Variants in DISC1 observed in about 807,000 individuals in gnomAD.
DISC1 encodes the protein DISC1 scaffold protein.
A neutral mutation model predicts 84.5 loss-of-function variants in DISC1; 57 were observed. The observed-to-expected ratio is 0.67, with a 90% CI of 0.55 to 0.84. The LOEUF (loss-of-function observed/expected upper bound fraction) is 0.84, where lower values mean the gene tolerates loss of function less well. Ranked by LOEUF, DISC1 falls within the 40% of genes least tolerant of loss-of-function variation. DISC1 has a pLI of 0.00. For synonymous variants in DISC1, 411 were observed against 415.2 expected, an observed-to-expected ratio of 0.99 and a Z score of 0.12; for missense variants, 1,000 against 1,057.8, an observed-to-expected ratio of 0.95 and a Z score of 0.76.
In DISC1 at chr1:231,759,876, AG is replaced by A. The variant is rs201713972; in HGVS notation, c.1269-7258del. Among the ~76,000 whole-genome samples, 905 of 152,244 alleles carry A rather than the reference AG, an allele frequency of 5.9e-3. 10 individuals carry two copies. Among genetic ancestry groups the A allele is most frequent in the African/African-American group, 0.021 (869 of 41,546 alleles). On this transcript the variant is annotated intron_variant, in intron 4 of 12. Transcript: ENST00000439617. The stretch of plus-strand genomic sequence containing the variant: ...TCAATAAGAGAAGGGAGAAAGGACA[AG>A]GGGGGAAACTAAGTTGTGAGCCACA...
intron 9 of DISC1, among the ~76,000 whole-genome samples, chr1:231,909,632 C>CT (rs924881312): frequency 1.5e-4 from 23 of 151,948 alleles, no homozygotes; most frequent in Admixed American, 3.3e-4. Context: ...CTAAAATTCT[C>CT]TTTTTTTTGT....
chr1:232,018,222 A>G (rs189072162), intron 11 of DISC1, among the ~76,000 whole-genome samples: 1 of 152,314 alleles, frequency 6.6e-6, no homozygotes, highest in East Asian at 1.9e-4. Context: ...GTTACCAGAT[A>G]CTTTCTCTTA....
intron 9 of DISC1, chr1:231,866,382 A>G: frequency 4.8e-6 from 3 of 621,742 alleles, no homozygotes; most frequent in East Asian, 5.5e-5. Flanking sequence ...TTATCTCTGA[A>G]GTCACTTCAA....
At chr1:232,026,179 C>G (rs1286106234) in intron 11 of DISC1, among the ~76,000 whole-genome samples, 3 of 152,154 alleles carry the variant, frequency 2.0e-5, no homozygotes, top group East Asian at 3.9e-4. Context: ...CGGGACTTGA[C>G]ATACTGGAAG....
intron 10 of DISC1, among the ~76,000 whole-genome samples, chr1:231,977,771 G>A: frequency 6.6e-6 from 1 of 152,198 alleles, no homozygotes; most frequent in East Asian, 1.9e-4. Context: ...AAATATGTCA[G>A]TGCATGCTTC....
At chr1:231,840,039 C>T (rs202091139) in intron 9 of DISC1, among the ~76,000 whole-genome samples, 4 of 152,134 alleles carry the variant, frequency 2.6e-5, no homozygotes, top group Non-Finnish European at 4.4e-5. Flanking sequence ...TATCAAAAGT[C>T]GATGATTAAA....
chr1:231,969,191 T>G (rs1437387560), intron 10 of DISC1, among the ~76,000 whole-genome samples: 1 of 146,860 alleles, frequency 6.8e-6, no homozygotes, highest in East Asian at 2.0e-4. Context: ...CAGCGGTTTT[T>G]TTTTTTTTTT....
intron 11 of DISC1, among the ~76,000 whole-genome samples, chr1:232,022,455 G>GCAC (rs1221462615): frequency 6.6e-6 from 1 of 151,976 alleles, no homozygotes; most frequent in Non-Finnish European, 1.5e-5. Flanking sequence ...CTACAGGCCT[G>GCAC]CACCACCACA....
intron 10 of DISC1, among the ~76,000 whole-genome samples, chr1:231,977,628 G>C (rs531288052): frequency 6.6e-6 from 1 of 152,210 alleles, no homozygotes; most frequent in Admixed American, 6.5e-5. Flanking sequence ...ATACTCTTTG[G>C]CATGTAAGAT....
chr1:231,761,806 C>G (rs2075686575), intron 4 of DISC1, among the ~76,000 whole-genome samples: 1 of 152,180 alleles, frequency 6.6e-6, no homozygotes, highest in African/African-American at 2.4e-5. Flanking sequence ...TCTGGATTTT[C>G]TAGGACACAG....
intron 8 of DISC1, among the ~76,000 whole-genome samples, chr1:231,809,010 C>T (rs964763086): frequency 6.6e-6 from 1 of 152,186 alleles, no homozygotes; most frequent in African/African-American, 2.4e-5. Context: ...AGAAACAAGG[C>T]ACATGGCAAC....
chr1:231,872,318 G>A (rs978581433), intron 9 of DISC1, among the ~76,000 whole-genome samples: 1 of 151,862 alleles, frequency 6.6e-6, no homozygotes, highest in Non-Finnish European at 1.5e-5. Flanking sequence ...TGGTTCTTTT[G>A]TAAGGTTATT....
intron 9 of DISC1, among the ~76,000 whole-genome samples, chr1:231,886,764 TTC>T (rs1574409403): frequency 8.4e-5 from 8 of 94,718 alleles, no homozygotes; most frequent in South Asian, 8.4e-4. Flanking sequence ...TCTTCCTTCC[TTC>T]CTTTCTTTCT....
intron 1 of DISC1, among the ~76,000 whole-genome samples, chr1:231,658,785 G>T (rs2061344897): frequency 6.6e-6 from 1 of 152,166 alleles, no homozygotes; most frequent in Admixed American, 6.5e-5. Context: ...CACATTTATT[G>T]ATTTGCATAT....
At chr1:231,843,896 G>A (rs922690479) in intron 9 of DISC1, among the ~76,000 whole-genome samples, 2 of 152,326 alleles carry the variant, frequency 1.3e-5, no homozygotes, top group East Asian at 1.9e-4. Flanking sequence ...GCTGACTGAC[G>A]GCAGGGCTTT....
chr1:231,838,866 A>G (rs2082816924), intron 9 of DISC1, among the ~76,000 whole-genome samples: 1 of 152,210 alleles, frequency 6.6e-6, no homozygotes, highest in Non-Finnish European at 1.5e-5. Flanking sequence ...CTCCTACAAC[A>G]CATGTTGAGC....
intron 3 of DISC1, among the ~76,000 whole-genome samples, chr1:231,742,124 C>T (rs1361526029): frequency 6.6e-6 from 1 of 152,228 alleles, no homozygotes; most frequent in Non-Finnish European, 1.5e-5. Flanking sequence ...CATACCCTCT[C>T]TCCCTCATCT....
intron 9 of DISC1, among the ~76,000 whole-genome samples, chr1:231,847,515 T>C (rs1219848151): frequency 1.3e-5 from 2 of 152,134 alleles, no homozygotes; most frequent in Non-Finnish European, 2.9e-5. Flanking sequence ...ATCCAGAAAG[T>C]TACCTTGGCT....
intron 3 of DISC1, chr1:231,723,490 T>G (rs1305593791): frequency 1.0e-6 from 1 of 985,400 alleles, no homozygotes; most frequent in East Asian, 1.1e-4. Flanking sequence ...AAGTGAACGT[T>G]ATTCTTTCTG....
Sources: allele counts gnomAD v4.1 joint callset (sites outside exome capture counted in the v4.1 genomes callset), GRCh38; gene constraint gnomAD v4.1.1; transcripts MANE v1.5; gene names NCBI Gene and HGNC (gene_info 2026-07-23, HGNC 2026-07-21).